The following OMA1 variants were observed in gnomAD, a reference collection of about 807,000 sequenced individuals.
The protein encoded by OMA1 is metalloendopeptidase OMA1, mitochondrial.
Under a neutral mutation model 30.9 loss-of-function variants are expected in OMA1, and 38 were observed. That is an observed-to-expected ratio of 1.23 (90% CI 0.95 to 1.61). OMA1 has a LOEUF of 1.61. Ranked by LOEUF, OMA1 falls within the 40% of genes most tolerant of loss-of-function variation. The pLI is 0.00. For synonymous variants in OMA1, 173 were observed against 121.9 expected, an observed-to-expected ratio of 1.42 and a Z score of -2.76; for missense variants, 461 against 349.2, an observed-to-expected ratio of 1.32 and a Z score of -2.55.
At chr1:58,489,653 G>A (rs1470564745) in intron 8 of OMA1, among the ~76,000 whole-genome samples, 1 of 152,186 alleles carries the variant, frequency 6.6e-6, no homozygotes, top group East Asian at 1.9e-4. Flanking sequence ...CCTCAAGTGG[G>A]TCCCTGACCC....
At chr1:58,515,253 T>C (rs1646141673) in intron 7 of OMA1, among the ~76,000 whole-genome samples, 1 of 152,208 alleles carries the variant, frequency 6.6e-6, no homozygotes, top group Admixed American at 6.5e-5. Flanking sequence ...AGCTAAGCCA[T>C]TCTCAGCATT....
At chr1:58,515,858 T>C (rs1295235496) in intron 7 of OMA1, among the ~76,000 whole-genome samples, 3 of 152,230 alleles carry the variant, frequency 2.0e-5, no homozygotes, top group Non-Finnish European at 4.4e-5. Flanking sequence ...GTAGATTAAA[T>C]TAGCTCCAAT....
At chr1:58,542,370 G>T (rs1331877951) in intron 1 of OMA1, 1 of 152,206 alleles carries the variant, frequency 6.6e-6, no homozygotes, top group Admixed American at 6.5e-5. Context: ...GAGTTATGCA[G>T]CACAGAATAT....
chr1:58,516,665 G>C (rs75943377), intron 7 of OMA1, among the ~76,000 whole-genome samples: 1 of 152,174 alleles, frequency 6.6e-6, no homozygotes, highest in African/African-American at 2.4e-5. Context: ...TACTTTGAAA[G>C]AGGCTTCATG....
At chr1:58,506,018 T>C (rs1305455880) in intron 8 of OMA1, 42 bp downstream of exon 8, 3 of 806,150 alleles carry the variant, frequency 3.7e-6, no homozygotes, top group Non-Finnish European at 6.5e-6. Flanking sequence ...AAATAAATGA[T>C]ACAGTAAAAA....
intron 8 of OMA1, among the ~76,000 whole-genome samples, chr1:58,495,414 TATAATA>T (rs903443511): frequency 3.0e-4 from 46 of 151,944 alleles, no homozygotes; most frequent in Non-Finnish European, 6.3e-4. Flanking sequence ...AAACTTAAAG[TATAATA>T]ATAATAATAA....
At position 58,490,784 on chromosome 1, in the gene OMA1, T is replaced by C. The variant is rs567186799; in HGVS notation, c.1366-9610A>G. 3.2e-3 allele frequency among the ~76,000 whole-genome samples: 427 copies of C among 135,164 alleles called. 1 individual carries two copies. Among genetic ancestry groups the C allele is most frequent in the Non-Finnish European group, 5.4e-3 (344 of 63,964 alleles). The allele number at this position is 135,164 out of a possible 152,430, so 88.7% of individuals were successfully genotyped here. On this transcript the variant is annotated intron_variant, in intron 8 of 8. Coordinates refer to ENST00000371226, the MANE Select transcript of OMA1 (RefSeq NM_145243.5). ...CAAGCCAGAAGAGAGTGGGGGCCAA[T>C]AGTCAACATTCTTTTTTTTTTTTTT...
At chr1:58,488,753 G>A (rs1204390684) in intron 8 of OMA1, among the ~76,000 whole-genome samples, 1 of 152,168 alleles carries the variant, frequency 6.6e-6, no homozygotes, top group African/African-American at 2.4e-5. Context: ...CCCAGCCCCA[G>A]TGTGTAGTCT....
At chr1:58,506,975 G>A (rs189062092) in intron 7 of OMA1, among the ~76,000 whole-genome samples, 19 of 151,910 alleles carry the variant, frequency 1.3e-4, no homozygotes, top group African/African-American at 4.3e-4. Flanking sequence ...ATACTCATAC[G>A]TATATACTTG....
intron 7 of OMA1, among the ~76,000 whole-genome samples, chr1:58,511,294 GA>G (rs1646072891): frequency 6.6e-6 from 1 of 152,154 alleles, no homozygotes; most frequent in African/African-American, 2.4e-5. Flanking sequence ...GAATGGAACA[GA>G]AGAGAGAGCC....
At position 58,518,329 on chromosome 1, in the gene OMA1, AGAAGAGAAGAGAAGAGAAGAGAAGG is replaced by A. The variant is rs1557450347; in HGVS notation, c.1215+8907_1215+8931del. The stretch of plus-strand genomic sequence containing the variant: ...AGAAGAGAAGAGAAGAGAAGAGAAG[AGAAGAGAAGAGAAGAGAAGAGAAGG>A]GAAGGGAAGAGAAGAGAAGGGAAGA... On this transcript the variant is annotated intron_variant, in intron 7 of 8. Coordinates refer to ENST00000371226, the MANE Select transcript of OMA1 (RefSeq NM_145243.5). 2.6e-4 allele frequency among the ~76,000 whole-genome samples: 27 copies of A among 105,332 alleles called. 5 individuals are homozygous for A. Among genetic ancestry groups the A allele is most frequent in the Admixed American group, 7.1e-4 (8 of 11,322 alleles). 69.1% of individuals were successfully genotyped at this position (105,332 alleles called of 152,430 possible).
chr1:58,515,679 C>A (rs1569930341), intron 7 of OMA1, among the ~76,000 whole-genome samples: 1 of 152,096 alleles, frequency 6.6e-6, no homozygotes, highest in Admixed American at 6.6e-5. Context: ...AAGCAAAGAA[C>A]CTAAAACAGT....
At chr1:58,506,678 T>C (rs1569911854) in intron 7 of OMA1, among the ~76,000 whole-genome samples, 1 of 152,162 alleles carries the variant, frequency 6.6e-6, no homozygotes, top group East Asian at 1.9e-4. Flanking sequence ...AAAATTCTGT[T>C]TTCATAAAGT....
intron 1 of OMA1, among the ~76,000 whole-genome samples, chr1:58,545,855 G>C (rs1249110352): frequency 2.6e-5 from 4 of 152,144 alleles, no homozygotes; most frequent in Non-Finnish European, 5.9e-5. Context: ...ACACATGATG[G>C]AAGGCTTTAA....
intron 8 of OMA1, among the ~76,000 whole-genome samples, chr1:58,485,214 A>G (rs955032934): frequency 1.3e-5 from 2 of 148,180 alleles, no homozygotes; most frequent in African/African-American, 5.0e-5. Context: ...TCTAAAAATA[A>G]AAGAGTCTAC....
At chr1:58,501,671 G>A (rs1358395363) in intron 8 of OMA1, among the ~76,000 whole-genome samples, 3 of 152,120 alleles carry the variant, frequency 2.0e-5, no homozygotes, top group Non-Finnish European at 4.4e-5. Flanking sequence ...TTCTTTGACT[G>A]CTGAAGGACC....
At chr1:58,544,790 C>T (rs1160483798) in intron 1 of OMA1, among the ~76,000 whole-genome samples, 3 of 152,154 alleles carry the variant, frequency 2.0e-5, no homozygotes, top group African/African-American at 7.2e-5. Flanking sequence ...GACGGGGTTT[C>T]GGCAAATTGC....
chr1:58,497,475 T>C (rs1275734775), intron 8 of OMA1, among the ~76,000 whole-genome samples: 1 of 152,192 alleles, frequency 6.6e-6, no homozygotes, highest in African/African-American at 2.4e-5. Flanking sequence ...CTAAAGTTGA[T>C]GGAGTTCAGG....
chr1:58,544,392 G>C (rs983781074), intron 1 of OMA1, among the ~76,000 whole-genome samples: 1 of 152,032 alleles, frequency 6.6e-6, no homozygotes, highest in African/African-American at 2.4e-5. Context: ...ATAGTAATGA[G>C]AAAATATGCT....
Sources: gnomAD v4.1 joint callset for allele counts (sites outside exome capture counted in the v4.1 genomes callset) on GRCh38, gnomAD v4.1.1 for gene constraint, MANE v1.5 for transcripts, NCBI Gene and HGNC (gene_info 2026-07-23, HGNC 2026-07-21) for gene names.